AGAP1: variants seen among roughly 807,000 people sequenced by gnomAD.
AGAP1 encodes the protein arf-GAP with GTPase, ANK repeat and PH domain-containing protein 1.
A neutral mutation model predicts 105.3 loss-of-function variants in AGAP1; 29 were observed. The ratio of observed to expected loss-of-function variants is 0.28; its 90% confidence interval spans 0.21 to 0.38. AGAP1 has a LOEUF of 0.38. Ranked by LOEUF, AGAP1 falls within the 10% of genes least tolerant of loss-of-function variation. The pLI is 1.00. For missense variants in AGAP1, 998 were observed against 1,165.1 expected, an observed-to-expected ratio of 0.86 and a Z score of 2.09; for synonymous variants, 509 against 485.9, an observed-to-expected ratio of 1.05 and a Z score of -0.63.
rs377156296 is a variant in AGAP1, at chr2:235,758,086, G to A, written c.673+7598G>A. On this transcript the variant is annotated intron_variant, in intron 6 of 17. Transcript: ENST00000304032. ...GCCTGTTTTATGATTTGTTTTTGTTGCTATTTTTTTCTCCTTTATTACAGA... is the reference window on the plus strand; with the variant it reads ...GCCTGTTTTATGATTTGTTTTTGTTACTATTTTTTTCTCCTTTATTACAGA... 1.0e-3 allele frequency among the ~76,000 whole-genome samples: 155 copies of A among 151,816 alleles called. 3 individuals carry two copies. The highest frequency in any genetic ancestry group is 6.8e-3 in the Middle Eastern group (2 of 294).
chr2:235,887,570 A>G lies in AGAP1; in HGVS notation c.1155+4121A>G, dbSNP rs1029872561. Among the ~76,000 whole-genome samples, 2 of 152,214 alleles carry G rather than the reference A, an allele frequency of 1.3e-5. No individual in the cohort carries two copies. Among genetic ancestry groups the G allele is most frequent in the African/African-American group, 4.8e-5 (2 of 41,434 alleles). On this transcript the variant is annotated intron_variant, in intron 10 of 17. Coordinates refer to ENST00000304032, the MANE Select transcript of AGAP1 (RefSeq NM_001037131.3). The surrounding 1 kb of genome is among the most constrained non-coding windows in gnomAD (Gnocchi z 4.1). ...CATCCACCTTTTCTCTCAAAGGCAG[A>G]TGGGGCCCAGGTTCCAACACAAGAG...
chr2:235,804,711 C>T (rs1957752893), intron 8 of AGAP1, among the ~76,000 whole-genome samples: 1 of 152,332 alleles, frequency 6.6e-6, no homozygotes, highest in East Asian at 1.9e-4. Context: ...ACCTTTCTTT[C>T]CTCTGCATCG....
At position 235,882,656 on chromosome 2, in the gene AGAP1, G is replaced by A. The variant is rs1022067661; in HGVS notation, c.1051-689G>A. On this transcript the variant is annotated intron_variant, in intron 9 of 17. Coordinates refer to ENST00000304032, the MANE Select transcript of AGAP1 (RefSeq NM_001037131.3). This position sits in a 1 kb window ranked among gnomAD's most constrained non-coding sequence, Gnocchi z 4.6. ...TTTTTGTATTTTTAGTAGAGACAGG[G>A]TTTCACCAATATTGGCCATGGTTGG... Among the ~76,000 whole-genome samples, 1 of 152,134 alleles carries A rather than the reference G, an allele frequency of 6.6e-6. No individual in the cohort carries two copies. Among genetic ancestry groups the A allele is most frequent in the African/African-American group, 2.4e-5 (1 of 41,422 alleles).
intron 1 of AGAP1, among the ~76,000 whole-genome samples, chr2:235,706,562 T>A (rs1950548344): frequency 6.6e-6 from 1 of 152,290 alleles, no homozygotes; most frequent in East Asian, 1.9e-4. Flanking sequence ...ATACACTTTT[T>A]AGAAATGCAT....
Position 235,717,598 on chromosome 2 carries a change from G to T in AGAP1, c.264G>T (p.Val88=). Residue 88 remains valine (V), a synonymous_variant, in exon 3 of 18, where the codon GTG becomes GTT. Coordinates refer to ENST00000304032, the MANE Select transcript of AGAP1 (RefSeq NM_001037131.3). ...TGGCCAGCGGCAAGTCTGCCCTGGT[G>T]CACCGGTACCTGACGGGCACATATG... ...GNLASGKSAL[V]HRYLTGTYVQ... 6.2e-7 allele frequency: 1 copy of T among 1,604,830 alleles called. No individual in the cohort carries two copies. The highest frequency in any genetic ancestry group is 1.3e-5 in the African/African-American group (1 of 74,552).
intron 6 of AGAP1, among the ~76,000 whole-genome samples, chr2:235,780,639 T>A (rs569380391): frequency 2.2e-4 from 34 of 152,334 alleles, no homozygotes; most frequent in Non-Finnish European, 4.7e-4. Context: ...AAATTTATAG[T>A]CCTTGGTGAT....
In AGAP1 at chr2:235,752,148, A is replaced by C. The variant is rs143821598; in HGVS notation, c.673+1660A>C. On this transcript the variant is annotated intron_variant, in intron 6 of 17. Coordinates refer to ENST00000304032, the MANE Select transcript of AGAP1 (RefSeq NM_001037131.3). The surrounding 1 kb of genome is among the most constrained non-coding windows in gnomAD (Gnocchi z 4.3). ...AGATGAAGGGTCCCCAGGCCCGTGCATGAGGCCAGCTGCCTGTTTTCATAA... is the reference window on the plus strand; with the variant it reads ...AGATGAAGGGTCCCCAGGCCCGTGCCTGAGGCCAGCTGCCTGTTTTCATAA... Among the ~76,000 whole-genome samples the C allele has an allele frequency of 3.9e-5, 6 of 152,316 alleles. No homozygotes were observed. The East Asian group carries it at 1.2e-3, about 29-fold the overall frequency.
intron 1 of AGAP1, among the ~76,000 whole-genome samples, chr2:235,684,831 C>T (rs940420063): frequency 1.3e-5 from 2 of 152,106 alleles, no homozygotes; most frequent in African/African-American, 4.8e-5. Flanking sequence ...GAATTGTGAC[C>T]AACAGGAGAG....
In AGAP1 at chr2:235,931,149, G is replaced by A. The variant is rs146223062; in HGVS notation, c.1483+226G>A. Among the ~76,000 whole-genome samples, 1 of 152,316 alleles carries A rather than the reference G, an allele frequency of 6.6e-6. No individual in the cohort carries two copies. Among genetic ancestry groups the A allele is most frequent in the East Asian group, 1.9e-4 (1 of 5,164 alleles). ...CATCTGTTCCTCTTTGGCACAGGGA[G>A]GAGGTAGTCATCCCATTTGGTCAGT... On this transcript the variant is annotated intron_variant, in intron 12 of 17. Coordinates refer to ENST00000304032, the MANE Select transcript of AGAP1 (RefSeq NM_001037131.3). The surrounding 1 kb of genome is among the most constrained non-coding windows in gnomAD (Gnocchi z 5.6).
chr2:236,073,935 CAAG>C lies in AGAP1; in HGVS notation c.2114+24657_2114+24659del, dbSNP rs66474331. ...AGCATTTCCGCTGCACATCCCAGCT[CAAG>C]AACCACCCTCTGGGTGCCAAGGTCT... On this transcript the variant is annotated intron_variant, in intron 16 of 17. Coordinates refer to ENST00000304032, the MANE Select transcript of AGAP1 (RefSeq NM_001037131.3). The surrounding 1 kb of genome is among the most constrained non-coding windows in gnomAD (Gnocchi z 5.4). Among the ~76,000 whole-genome samples the C allele has an allele frequency of 0.38, 58,122 of 151,908 alleles. 13,722 individuals carry two copies. The highest frequency in any genetic ancestry group is 0.52 in the Non-Finnish European group (35,251 of 67,868).
rs1943169090 is a variant in AGAP1 at position 235,535,162 on chromosome 2, C to T, written c.163+40313C>T. Among the ~76,000 whole-genome samples, 2 of 151,988 alleles carry T rather than the reference C, an allele frequency of 1.3e-5. No homozygotes were observed. The highest frequency in any genetic ancestry group is 2.9e-5 in the Non-Finnish European group (2 of 67,982). On this transcript the variant is annotated intron_variant, in intron 1 of 17. Transcript: ENST00000304032. The surrounding 1 kb of genome is among the most constrained non-coding windows in gnomAD (Gnocchi z 5.1). ...TGTGTGCCAGGCAGCCCAGGTCAGC[C>T]TCCCTCCACCGGGCCACCCGCACCA...
At position 235,705,602 on chromosome 2, in the gene AGAP1, T is replaced by C. The variant is rs1414262337; in HGVS notation, c.164-3577T>C. On this transcript the variant is annotated intron_variant, in intron 1 of 17. Transcript: ENST00000304032. This position sits in a 1 kb window ranked among gnomAD's most constrained non-coding sequence, Gnocchi z 4.9. ...TTTTGGTATGCATGGCTTTCGCGAA[T>C]GTTTTGTTAATTTTCGTTTAGCTTT... 6.6e-6 allele frequency among the ~76,000 whole-genome samples: 1 copy of C among 152,238 alleles called. No individual in the cohort carries two copies. The highest frequency in any genetic ancestry group is 2.4e-5 in the African/African-American group (1 of 41,466).
At chr2:235,627,201 T>TG (rs1946667994) in intron 1 of AGAP1, among the ~76,000 whole-genome samples, 2 of 146,304 alleles carry the variant, frequency 1.4e-5, no homozygotes, top group East Asian at 4.0e-4. Flanking sequence ...GGTTTTTTTT[T>TG]TTTTTTTTTT....
chr2:235,857,382 C>T (rs140729283), intron 9 of AGAP1, among the ~76,000 whole-genome samples: 3,579 of 152,222 alleles, frequency 0.024, 131 homozygotes, highest in African/African-American at 0.082. Context: ...AAACTGGTCC[C>T]TGGTGCCAAA....
intron 10 of AGAP1, among the ~76,000 whole-genome samples, chr2:235,903,115 A>G (rs972112225): frequency 6.6e-6 from 1 of 152,116 alleles, no homozygotes; most frequent in African/African-American, 2.4e-5. Context: ...CTGAAAAGTG[A>G]TCTATCTTTT....
rs1349147129 is a variant in AGAP1, at chr2:236,046,858, C to G, written c.1892-2201C>G. On this transcript the variant is annotated intron_variant, in intron 15 of 17. Transcript: ENST00000304032. The surrounding 1 kb of genome is among the most constrained non-coding windows in gnomAD (Gnocchi z 5.2). Reference sequence around the variant, plus strand: ...GTATCAGAAGTTAGCACTGGCCCAGCACAGTGGCTCATGCCTGTAATCCCA... The same window carrying G: ...GTATCAGAAGTTAGCACTGGCCCAGGACAGTGGCTCATGCCTGTAATCCCA... 6.6e-6 allele frequency among the ~76,000 whole-genome samples: 1 copy of G among 152,160 alleles called. No homozygotes were observed. The highest frequency in any genetic ancestry group is 1.5e-5 in the Non-Finnish European group (1 of 68,036).
At chr2:236,017,490 A>G (rs1322622271) in intron 13 of AGAP1, among the ~76,000 whole-genome samples, 2 of 152,254 alleles carry the variant, frequency 1.3e-5, no homozygotes, top group Middle Eastern at 3.4e-3. Flanking sequence ...AAATATATCC[A>G]TCCCCAAGTG....
intron 1 of AGAP1, among the ~76,000 whole-genome samples, chr2:235,598,982 T>C (rs1945637195): frequency 6.6e-6 from 1 of 152,212 alleles, no homozygotes; most frequent in South Asian, 2.1e-4. Context: ...AGTGGGAGCC[T>C]GTCTTCCTCT....
intron 1 of AGAP1, among the ~76,000 whole-genome samples, chr2:235,546,718 A>G (rs1943634135): frequency 6.6e-6 from 1 of 152,212 alleles, no homozygotes; most frequent in Non-Finnish European, 1.5e-5. Flanking sequence ...GTCCAGAACC[A>G]CATGAATGAC....
Sources: allele counts gnomAD v4.1 joint callset (sites outside exome capture counted in the v4.1 genomes callset), GRCh38; gene constraint gnomAD v4.1.1; non-coding constraint Gnocchi (gnomAD v3.1); transcripts MANE v1.5; gene names NCBI Gene and HGNC (gene_info 2026-07-23, HGNC 2026-07-21).